C9orf72: variants seen among roughly 807,000 people sequenced by gnomAD.
C9orf72 encodes the protein C9orf72-SMCR8 complex subunit.
A neutral mutation model predicts 51.6 loss-of-function variants in C9orf72; 44 were observed. The ratio of observed to expected loss-of-function variants is 0.85; its 90% CI spans 0.67 to 1.10. C9orf72 has a LOEUF of 1.10. C9orf72 is among the 50% of genes least tolerant of loss of function. The pLI, the probability that C9orf72 is intolerant of heterozygous loss-of-function variation, is 0.00. For missense variants in C9orf72, 607 were observed against 570.6 expected (o/e 1.06, Z -0.65); for synonymous variants, 213 against 194.2 (o/e 1.10, Z -0.81).
intron 1 of C9orf72, among the ~76,000 whole-genome samples, chr9:27,571,943 A>G (rs999260407): frequency 6.6e-6 from 1 of 152,224 alleles, no homozygotes; most frequent in Non-Finnish European, 1.5e-5. Flanking sequence ...GGTGAAGTTC[A>G]TATCACTATC....
intron 5 of C9orf72, 199 bp from the exon 6 acceptor site, chr9:27,560,498 T>C: frequency 1.5e-6 from 1 of 666,330 alleles, no homozygotes; most frequent in Non-Finnish European, 2.2e-6. Flanking sequence ...ATTTTCTTAT[T>C]GAGCCTTAAA....
chr9:27,556,013 C>T (rs1214379677), intron 8 of C9orf72, among the ~76,000 whole-genome samples: 1 of 144,890 alleles, frequency 6.9e-6, no homozygotes, highest in Non-Finnish European at 1.5e-5. Flanking sequence ...AATTAATTAT[C>T]ATTACTTTTC....
At chr9:27,566,114 T>C (rs1182686491) in intron 2 of C9orf72, among the ~76,000 whole-genome samples, 1 of 152,164 alleles carries the variant, frequency 6.6e-6, no homozygotes, top group Non-Finnish European at 1.5e-5. Flanking sequence ...GTTCTTTAGA[T>C]ACATCAAAAC....
rs1262041572 is a variant in C9orf72 at position 27,573,447 on chromosome 9, G to T, written c.-61C>A. On this transcript the variant is annotated 5_prime_UTR_variant, in exon 1 of 11. Coordinates refer to ENST00000380003, the MANE Select transcript of C9orf72 (RefSeq NM_018325.5). The stretch of plus-strand genomic sequence containing the variant: ...CTCACTCACCCACTCGCCACCGCCT[G>T]CGCCTCCGCCGCCGCGGGCGCAGGC... 6.7e-6 allele frequency: 1 copy of T among 148,994 alleles called. No homozygotes were observed. The highest frequency in any genetic ancestry group is 1.8e-4 in the South Asian group (1 of 5,406). The allele number at this position is 148,994 out of a possible 1,614,324, so 9.2% of individuals were successfully genotyped here. A position where few individuals can be genotyped will look rare whatever the true frequency, so the allele number is the denominator to read the frequency against.
intron 8 of C9orf72, among the ~76,000 whole-genome samples, chr9:27,552,688 T>G (rs1389472069): frequency 6.6e-6 from 1 of 151,860 alleles, no homozygotes; most frequent in Non-Finnish European, 1.5e-5. Flanking sequence ...GGATGTTAAA[T>G]TTTATTGACA....
chr9:27,548,159 G>A lies in C9orf72; in HGVS notation c.*77C>T. 9.1e-7 allele frequency: 1 copy of A among 1,100,848 alleles called. No individual in the cohort carries two copies. Among genetic ancestry groups the A allele is most frequent in the Admixed American group, 2.3e-5 (1 of 42,654 alleles). The allele number at this position is 1,100,848 out of a possible 1,614,324, so 68.2% of individuals were successfully genotyped here. ...GCAGAATTCTGGAGTATGATCCAGG[G>A]GAACGTTTCCCCACACCACTGAGCT... On this transcript the variant is annotated 3_prime_UTR_variant, in exon 11 of 11. Coordinates refer to ENST00000380003, the MANE Select transcript of C9orf72 (RefSeq NM_018325.5).
chr9:27,562,011 C>A (rs980980133), intron 4 of C9orf72, among the ~76,000 whole-genome samples: 27 of 152,264 alleles, frequency 1.8e-4, no homozygotes, highest in African/African-American at 6.3e-4. Flanking sequence ...ATTAAGGAAA[C>A]TAAATTTGTG....
At chr9:27,571,737 C>T (rs986426133) in intron 1 of C9orf72, among the ~76,000 whole-genome samples, 2 of 152,196 alleles carry the variant, frequency 1.3e-5, no homozygotes, top group African/African-American at 2.4e-5. Context: ...CAGGTGTAAG[C>T]CACCTTCTCC....
chr9:27,562,480 C>A lies in C9orf72; in HGVS notation c.505-4G>T. On this transcript the variant is annotated splice_polypyrimidine_tract_variant and splice_region_variant and intron_variant, in intron 3 of 10. Transcript: ENST00000380003. The stretch of plus-strand genomic sequence containing the variant: ...GCATTGGAATAATACTCTGACCCTG[C>A]ACAATAAAGTGACATGAAGTGAAGA... 1 of 1,498,358 alleles carries A rather than the reference C, an allele frequency of 6.7e-7. No individual in the cohort carries two copies. Among genetic ancestry groups the A allele is most frequent in the Non-Finnish European group, 9.0e-7 (1 of 1,106,236 alleles). The allele number at this position is 1,498,358 out of a possible 1,614,324, so 92.8% of individuals were successfully genotyped here.
rs1684036588 is a variant in C9orf72 at position 27,565,596 on chromosome 9, C to T, written c.445-6G>A. The T allele has an allele frequency of 1.3e-6, 2 of 1,584,954 alleles. No homozygotes were observed. The highest frequency in any genetic ancestry group is 2.7e-5 in the African/African-American group (2 of 74,116). ...TGGACATTTTCTTGTCTTTCCTGAG[C>T]AAGAGAAAATTTATTTAAAAAAACA... On this transcript the variant is annotated splice_region_variant and splice_polypyrimidine_tract_variant and intron_variant, in intron 2 of 10. Coordinates refer to ENST00000380003, the MANE Select transcript of C9orf72 (RefSeq NM_018325.5).
At chr9:27,562,358 T>A in intron 4 of C9orf72, 23 bp downstream of exon 4, 1 of 1,302,272 alleles carries the variant, frequency 7.7e-7, no homozygotes, top group East Asian at 2.4e-5. Flanking sequence ...ATAAAGTGTA[T>A]AATTGCTCTC....
At chr9:27,564,017 G>C (rs1307718777) in intron 3 of C9orf72, among the ~76,000 whole-genome samples, 1 of 151,964 alleles carries the variant, frequency 6.6e-6, no homozygotes, top group African/African-American at 2.4e-5. Context: ...TCAATCAAAA[G>C]GCAACTCCTC....
chr9:27,553,138 T>C (rs1820942590), intron 8 of C9orf72, among the ~76,000 whole-genome samples: 2 of 152,266 alleles, frequency 1.3e-5, no homozygotes, highest in South Asian at 4.2e-4. Flanking sequence ...AAAATGGCCA[T>C]ACTGCCCAAA....
intron 2 of C9orf72, among the ~76,000 whole-genome samples, chr9:27,566,292 A>G (rs1455948890): frequency 6.6e-6 from 1 of 152,218 alleles, no homozygotes; most frequent in Admixed American, 6.5e-5. Flanking sequence ...CTACATGACC[A>G]ACAGCTTATG....
At chr9:27,572,457 C>A (rs1344932343) in intron 1 of C9orf72, among the ~76,000 whole-genome samples, 1 of 143,290 alleles carries the variant, frequency 7.0e-6, no homozygotes, top group Non-Finnish European at 1.5e-5. Flanking sequence ...CATATCTTAA[C>A]AGTATCTTTT....
At chr9:27,562,538 A>C in intron 3 of C9orf72, 62 bp from the exon 4 acceptor site, 1 of 734,736 alleles carries the variant, frequency 1.4e-6, no homozygotes, top group African/African-American at 1.8e-5. Flanking sequence ...CTGGGCAATA[A>C]AAAATAAAAA....
chr9:27,558,497 C>T lies in C9orf72; in HGVS notation c.849G>A (p.Leu283=). Residue 283 remains leucine (L), a synonymous_variant, in exon 7 of 11, where the codon CTG becomes CTA. Coordinates refer to ENST00000380003, the MANE Select transcript of C9orf72 (RefSeq NM_018325.5). ...KYESGLFVQG[L]LKDSTGSFVL... ...TGATAACTAGAAACTATACCTTTAG[C>T]AGGCCTTGTACAAAGAGCCCTGACT... The T allele has an allele frequency of 6.5e-7, 1 of 1,547,578 alleles. No individual in the cohort carries two copies. The highest frequency in any genetic ancestry group is 8.8e-7 in the Non-Finnish European group (1 of 1,131,702).
At position 27,566,989 on chromosome 9, in the gene C9orf72, A is replaced by C; in HGVS notation, c.132T>G (p.Ile44Met). 6.2e-7 allele frequency: 1 copy of C among 1,614,070 alleles called. No homozygotes were observed. The highest frequency in any genetic ancestry group is 8.5e-7 in the Non-Finnish European group (1 of 1,179,936). The change falls in exon 2 of 11, where the codon ATT becomes ATG. Residue 44 changes from isoleucine to methionine, a missense_variant. Ile to Met is a conservative substitution (Grantham distance 10). Transcript: ENST00000380003. ...GTACCTGTTCTGTCTTTGGAGCCCA[A>C]ATGTGCCTTACTCTAGGACCAAGAA... ...DNILGPRVRH[I>M]WAPKTEQVLL...
chr9:27,557,319 T>A (rs1819224259), intron 7 of C9orf72, among the ~76,000 whole-genome samples: 1 of 152,214 alleles, frequency 6.6e-6, no homozygotes, highest in Admixed American at 6.6e-5. Context: ...ACAAATTTAC[T>A]TCTTTCCTAA....
Sources: allele counts gnomAD v4.1 joint callset (sites outside exome capture counted in the v4.1 genomes callset), GRCh38; gene constraint gnomAD v4.1.1; transcripts MANE v1.5; gene names NCBI Gene and HGNC (gene_info 2026-07-23, HGNC 2026-07-21).